JAKMIP1: variants seen among roughly 807,000 people sequenced by gnomAD.
JAKMIP1 encodes janus kinase and microtubule-interacting protein 1.
Under a neutral mutation model 113.0 loss-of-function variants are expected in JAKMIP1, and 33 were observed. The ratio of observed to expected loss-of-function variants is 0.29; its 90% CI spans 0.22 to 0.39. The LOEUF is 0.39. JAKMIP1 is among the 10% of genes least tolerant of loss of function. The pLI, the probability that JAKMIP1 is intolerant of heterozygous loss-of-function variation, is 1.00. For synonymous variants in JAKMIP1, 480 were observed against 459.9 expected, an observed-to-expected ratio of 1.04 and a Z score of -0.56; for missense variants, 813 against 1,080.5, an observed-to-expected ratio of 0.75 and a Z score of 3.47.
rs1560233147 is a variant in JAKMIP1 at position 6,126,397 on chromosome 4, C to CTCACACAAACACACATCATACAGAA, written c.-147-13401_-147-13400insTTCTGTATGATGTGTGTTTGTGTGA. Among the ~76,000 whole-genome samples the CTCACACAAACACACATCATACAGAA allele has an allele frequency of 5.5e-5, 8 of 146,116 alleles. 1 individual carries two copies. In the South Asian group the frequency reaches 6.3e-4, roughly 12 times the overall value. ...CACAAACACACATCATACAGAAACA[C>CTCACACAAACACACATCATACAGAA]ACACACAAACATACACCGTACAGAA... On this transcript the variant is annotated intron_variant, in intron 1 of 20. Transcript: ENST00000409021.
chr4:6,125,696 GCACACCATA>G (rs1717360652), intron 1 of JAKMIP1, among the ~76,000 whole-genome samples: 1 of 8,354 alleles, frequency 1.2e-4, no homozygotes, highest in Non-Finnish European at 2.5e-4. Context: ...AAACACACAC[GCACACCATA>G]CACACCATAC....
At chr4:6,126,306 AAC>A (rs200402377) in intron 1 of JAKMIP1, among the ~76,000 whole-genome samples, 1 of 116,790 alleles carries the variant, frequency 8.6e-6, no homozygotes, top group Non-Finnish European at 1.8e-5. Context: ...ACCATACAGA[AAC>A]ACACACACAA....
intron 1 of JAKMIP1, among the ~76,000 whole-genome samples, chr4:6,127,908 T>C (rs539031139): frequency 3.5e-4 from 54 of 152,294 alleles, no homozygotes; most frequent in South Asian, 6.2e-4. Flanking sequence ...GCCCCCAAAA[T>C]GCGTCCACTC....
In JAKMIP1 at chr4:6,105,764, C is replaced by T. The variant is rs766702952; in HGVS notation, c.333G>A (p.Gln111=). ...GCACGTTCAGCGTGGCCTGCAGCCG[C>T]TGCAGCTCGCCCTCCTTGATCTTGG... ...RTAKIKEGEL[Q]RLQATLNVLR... Residue 111 remains glutamine, a synonymous_variant, in exon 3 of 21, where the codon CAG becomes CAA. Transcript: ENST00000409021. 1.2e-6 allele frequency: 2 copies of T among 1,604,440 alleles called. No individual in the cohort carries two copies. Among genetic ancestry groups the T allele is most frequent in the Non-Finnish European group, 1.7e-6 (2 of 1,178,584 alleles).
rs1719629830 is a variant in JAKMIP1, at chr4:6,138,726, A to G, written c.-147-25729T>C. Among the ~76,000 whole-genome samples, 1 of 152,170 alleles carries G rather than the reference A, an allele frequency of 6.6e-6. No homozygotes were observed. Among genetic ancestry groups the G allele is most frequent in the South Asian group, 2.1e-4 (1 of 4,826 alleles). On this transcript the variant is annotated intron_variant, in intron 1 of 20. Transcript: ENST00000409021. The surrounding 1 kb of genome is among the most constrained non-coding windows in gnomAD (Gnocchi z 6.0). ...TGTTCTCAACGGCCAGCTCTGTCTC[A>G]GAATGGGTACGAATCTTGACTCTAC...
At position 6,192,675 on chromosome 4, in the gene JAKMIP1, T is replaced by G. The variant is rs1338490329; in HGVS notation, c.-148+7578A>C. Among the ~76,000 whole-genome samples the G allele has an allele frequency of 6.6e-6, 1 of 152,228 alleles. No homozygotes were observed. The highest frequency in any genetic ancestry group is 2.4e-5 in the African/African-American group (1 of 41,458). On this transcript the variant is annotated intron_variant, in intron 1 of 20. Transcript: ENST00000409021. This position sits in a 1 kb window ranked among gnomAD's most constrained non-coding sequence, Gnocchi z 5.0. Reference sequence around the variant, plus strand: ...TTATTGCACACCTGCTCTGTGCCAATGCCCAAGGCTGACAGAGGAGGAGAA... The same window carrying G: ...TTATTGCACACCTGCTCTGTGCCAAGGCCCAAGGCTGACAGAGGAGGAGAA...
intron 16 of JAKMIP1, among the ~76,000 whole-genome samples, chr4:6,047,667 G>T (rs1382552844): frequency 6.6e-6 from 1 of 152,178 alleles, no homozygotes; most frequent in Admixed American, 6.5e-5. Context: ...CTTGATTGAG[G>T]GATTGAACAG....
chr4:6,101,177 C>G (rs1712958612), intron 3 of JAKMIP1, among the ~76,000 whole-genome samples: 1 of 152,092 alleles, frequency 6.6e-6, no homozygotes, highest in Non-Finnish European at 1.5e-5. Flanking sequence ...TATTGTTTTA[C>G]TTTTTACATG....
At chr4:6,101,450 G>C (rs1311281347) in intron 3 of JAKMIP1, among the ~76,000 whole-genome samples, 1 of 152,108 alleles carries the variant, frequency 6.6e-6, no homozygotes, top group East Asian at 1.9e-4. Context: ...TCAGCCTACT[G>C]TCTTGATTAC....
intron 1 of JAKMIP1, among the ~76,000 whole-genome samples, chr4:6,191,294 A>G (rs2109059763): frequency 6.6e-6 from 1 of 152,260 alleles, no homozygotes; most frequent in South Asian, 2.1e-4. Context: ...ACAGCCAGAG[A>G]CACAGCTCCC....
intron 3 of JAKMIP1, among the ~76,000 whole-genome samples, chr4:6,092,503 G>A (rs1354228945): frequency 1.3e-5 from 2 of 152,220 alleles, no homozygotes; most frequent in Non-Finnish European, 2.9e-5. Flanking sequence ...GGCAGAGGTG[G>A]GTTTTAAGCC....
chr4:6,053,864 T>C (rs2108771322), intron 13 of JAKMIP1, 186 bp downstream of exon 13: 1 of 1,495,876 alleles, frequency 6.7e-7, no homozygotes, highest in South Asian at 1.4e-5. Flanking sequence ...CCAGAACACA[T>C]TAAGGCAGTG....
chr4:6,152,541 G>A (rs761153819), intron 1 of JAKMIP1, among the ~76,000 whole-genome samples: 24 of 152,234 alleles, frequency 1.6e-4, no homozygotes, highest in Non-Finnish European at 2.4e-4. Context: ...TCCTGATGCC[G>A]GGGAATATTT....
In JAKMIP1 at chr4:6,170,005, AC is replaced by A. The variant is rs1560314312; in HGVS notation, c.-148+30247del. ...TACCACCACCACCACCACCACCACC[AC>A]CACCCTCACCACCACCACATTCCCA... On this transcript the variant is annotated intron_variant, in intron 1 of 20. Coordinates refer to ENST00000409021, the MANE Select transcript of JAKMIP1 (RefSeq NM_001099433.2). 8.5e-3 allele frequency among the ~76,000 whole-genome samples: 1,035 copies of A among 121,474 alleles called. 10 individuals carry two copies. The highest frequency in any genetic ancestry group is 0.034 in the African/African-American group (961 of 28,356). 79.7% of individuals were successfully genotyped at this position (121,474 alleles called of 152,430 possible).
rs894074225 is a variant in JAKMIP1, at chr4:6,086,130, C to T, written c.625-501G>A. 3.9e-5 allele frequency among the ~76,000 whole-genome samples: 6 copies of T among 152,138 alleles called. No homozygotes were observed. The highest frequency in any genetic ancestry group is 1.4e-4 in the African/African-American group (6 of 41,406). On this transcript the variant is annotated intron_variant, in intron 3 of 20. Transcript: ENST00000409021. This position sits in a 1 kb window ranked among gnomAD's most constrained non-coding sequence, Gnocchi z 4.1. The stretch of plus-strand genomic sequence containing the variant: ...CACCGAACCCACCGGACAACGTTGT[C>T]CTCCCGCCCTGACTCCGTCACCCAC...
rs1719461557 is a variant in JAKMIP1 at position 6,137,767 on chromosome 4, A to C, written c.-147-24770T>G. Reference sequence around the variant, plus strand: ...CAATTCATCAGTCCTTCAATCACACAGGCCTGACCTGAACACAAGTGAGAG... The same window carrying C: ...CAATTCATCAGTCCTTCAATCACACCGGCCTGACCTGAACACAAGTGAGAG... On this transcript the variant is annotated intron_variant, in intron 1 of 20. Coordinates refer to ENST00000409021, the MANE Select transcript of JAKMIP1 (RefSeq NM_001099433.2). This position sits in a 1 kb window ranked among gnomAD's most constrained non-coding sequence, Gnocchi z 4.5. Among the ~76,000 whole-genome samples the C allele has an allele frequency of 6.6e-6, 1 of 152,250 alleles. No individual in the cohort carries two copies. The highest frequency in any genetic ancestry group is 1.5e-5 in the Non-Finnish European group (1 of 68,042).
chr4:6,114,531 CG>C (rs1469912842), intron 1 of JAKMIP1, among the ~76,000 whole-genome samples: 1 of 152,098 alleles, frequency 6.6e-6, no homozygotes, highest in Non-Finnish European at 1.5e-5. Context: ...TGAAGTCAGG[CG>C]GGACCTGCTA....
rs1321341789 is a variant in JAKMIP1 at position 6,183,712 on chromosome 4, T to C, written c.-148+16541A>G. Among the ~76,000 whole-genome samples, 1 of 152,012 alleles carries C rather than the reference T, an allele frequency of 6.6e-6. No individual in the cohort carries two copies. Among genetic ancestry groups the C allele is most frequent in the Non-Finnish European group, 1.5e-5 (1 of 68,016 alleles). Reference sequence around the variant, plus strand: ...TGTGAAAACATCACACCAACTCAAATGGGCTGCAAACCCAATATTAACCCT... The same window carrying C: ...TGTGAAAACATCACACCAACTCAAACGGGCTGCAAACCCAATATTAACCCT... On this transcript the variant is annotated intron_variant, in intron 1 of 20. Transcript: ENST00000409021. This position sits in a 1 kb window ranked among gnomAD's most constrained non-coding sequence, Gnocchi z 5.3.
At chr4:6,119,452 G>A (rs1716368602) in intron 1 of JAKMIP1, among the ~76,000 whole-genome samples, 2 of 152,164 alleles carry the variant, frequency 1.3e-5, no homozygotes, top group Non-Finnish European at 2.9e-5. Flanking sequence ...GCTGAGCCAG[G>A]AGAATCGCTT....
Sources: gnomAD v4.1 joint callset for allele counts (sites outside exome capture counted in the v4.1 genomes callset) on GRCh38, gnomAD v4.1.1 for gene constraint, Gnocchi (gnomAD v3.1) non-coding constraint, MANE v1.5 for transcripts, NCBI Gene and HGNC (gene_info 2026-07-23, HGNC 2026-07-21) for gene names.